The following PAPPA2 variants were observed in gnomAD, a reference collection of about 807,000 sequenced individuals.
PAPPA2 encodes the protein pappalysin-2.
A neutral mutation model predicts 176.4 loss-of-function variants in PAPPA2; 86 were observed. That is an observed-to-expected ratio of 0.49 (90% confidence interval 0.41 to 0.58). PAPPA2 has a LOEUF of 0.58. Among genes scored for constraint, PAPPA2 ranks in the 20% least tolerant of loss-of-function variants. The pLI is 0.00. For synonymous variants in PAPPA2, 809 were observed against 852.2 expected, an observed-to-expected ratio of 0.95 and a Z score of 0.88; for missense variants, 2,073 against 2,256.9, an observed-to-expected ratio of 0.92 and a Z score of 1.65.
intron 1 of PAPPA2, among the ~76,000 whole-genome samples, chr1:176,547,166 C>T (rs1650681631): frequency 6.6e-6 from 1 of 152,198 alleles, no homozygotes; most frequent in East Asian, 1.9e-4. Flanking sequence ...TAGCACCTCT[C>T]TTTTGCAGAT....
At chr1:176,828,082 AG>A in intron 21 of PAPPA2, among the ~76,000 whole-genome samples, 1 of 152,206 alleles carries the variant, frequency 6.6e-6, no homozygotes, top group Admixed American at 6.5e-5. Flanking sequence ...ACAATGCTGG[AG>A]GCAGCATGAG....
chr1:176,536,286 T>G (rs1256844851), intron 1 of PAPPA2, among the ~76,000 whole-genome samples: 2 of 152,184 alleles, frequency 1.3e-5, no homozygotes, highest in African/African-American at 2.4e-5. Context: ...CCGGGTGAGC[T>G]TTTCTGCACT....
chr1:176,672,609 G>A (rs771767546), intron 4 of PAPPA2, among the ~76,000 whole-genome samples: 1 of 152,066 alleles, frequency 6.6e-6, no homozygotes, highest in East Asian at 1.9e-4. Flanking sequence ...GTTCAATGCT[G>A]TTCAAGTGTG....
At chr1:176,762,154 T>C (rs1472656930) in intron 14 of PAPPA2, among the ~76,000 whole-genome samples, 1 of 152,070 alleles carries the variant, frequency 6.6e-6, no homozygotes, top group Non-Finnish European at 1.5e-5. Flanking sequence ...AACAAATTCC[T>C]TAAAAAGGAA....
In PAPPA2 at chr1:176,545,002, A is replaced by G. The variant is rs116631667; in HGVS notation, c.-916-10405A>G. ...ACTGCCCAGTATCTCCATGTGTTCA[A>G]CAGCCTGAAAGCTAATTGAACCTCT... On this transcript the variant is annotated intron_variant, in intron 1 of 22. Transcript: ENST00000367662. 4.7e-3 allele frequency among the ~76,000 whole-genome samples: 719 copies of G among 152,310 alleles called. 8 individuals carry two copies. Among genetic ancestry groups the G allele is most frequent in the African/African-American group, 0.017 (687 of 41,566 alleles).
At chr1:176,689,745 TA>T (rs1209344679) in intron 4 of PAPPA2, among the ~76,000 whole-genome samples, 1 of 152,196 alleles carries the variant, frequency 6.6e-6, no homozygotes, top group African/African-American at 2.4e-5. Context: ...AGGAAGTTTT[TA>T]AAAATGTCGT....
intron 1 of PAPPA2, among the ~76,000 whole-genome samples, chr1:176,488,118 A>C (rs71645289): frequency 0.2 from 29,649 of 151,982 alleles, 3,942 homozygotes; most frequent in African/African-American, 0.37. Flanking sequence ...GCGTGGATAG[A>C]AAATAGGCCC....
chr1:176,647,560 T>C (rs1219841610), intron 3 of PAPPA2, among the ~76,000 whole-genome samples: 1 of 151,776 alleles, frequency 6.6e-6, no homozygotes, highest in Non-Finnish European at 1.5e-5. Flanking sequence ...TACATTTAAG[T>C]CTTTAATCCA....
intron 1 of PAPPA2, among the ~76,000 whole-genome samples, chr1:176,486,658 T>G (rs1652656682): frequency 6.6e-6 from 1 of 152,158 alleles, no homozygotes; most frequent in South Asian, 2.1e-4. Flanking sequence ...CAGGCCTAGA[T>G]GCAGGAAAGC....
intron 1 of PAPPA2, among the ~76,000 whole-genome samples, chr1:176,552,130 A>C (rs946275403): frequency 2.0e-5 from 3 of 151,918 alleles, no homozygotes; most frequent in African/African-American, 7.3e-5. Context: ...TTTATGTTTA[A>C]TCATCATGGA....
intron 21 of PAPPA2, among the ~76,000 whole-genome samples, chr1:176,829,010 T>A (rs796755443): frequency 3.3e-5 from 5 of 151,256 alleles, no homozygotes; most frequent in East Asian, 1.9e-4. Flanking sequence ...CTCAAAAAAA[T>A]AAATAAATAA....
At chr1:176,841,451 A>C (rs946017015) in intron 22 of PAPPA2, among the ~76,000 whole-genome samples, 2 of 151,946 alleles carry the variant, frequency 1.3e-5, no homozygotes, top group Non-Finnish European at 2.9e-5. Flanking sequence ...TCTCCTACCC[A>C]CTTGCCCAAT....
rs527769161 is a variant in PAPPA2, at chr1:176,556,247, C to G, written c.-76C>G. On this transcript the variant is annotated 5_prime_UTR_variant, in exon 2 of 23. Transcript: ENST00000367662. ...ACTGCAAATCCATTGCTAGCTGCCT[C>G]TTTCTCGTCTGCCCATCACTCTGGT... 1 of 1,484,980 alleles carries G rather than the reference C, an allele frequency of 6.7e-7. No homozygotes were observed. The highest frequency in any genetic ancestry group is 1.4e-5 in the African/African-American group (1 of 71,418). The allele number at this position is 1,484,980 out of a possible 1,614,324, so 92.0% of individuals were successfully genotyped here.
intron 1 of PAPPA2, among the ~76,000 whole-genome samples, chr1:176,502,682 A>C (rs1242880724): frequency 6.6e-6 from 1 of 152,178 alleles, no homozygotes; most frequent in Non-Finnish European, 1.5e-5. Flanking sequence ...AGTGCTATGG[A>C]AGGTGTGCAT....
intron 1 of PAPPA2, among the ~76,000 whole-genome samples, chr1:176,504,900 CTA>C (rs1291183205): frequency 6.6e-6 from 1 of 152,046 alleles, no homozygotes; most frequent in Admixed American, 6.6e-5. Context: ...CGGAACAGAG[CTA>C]TAATCTACCC....
In PAPPA2 at chr1:176,692,309, T is replaced by G. The variant is rs1363097644; in HGVS notation, c.2615T>G (p.Val872Gly). Reference protein sequence around the residue: ...IHWLPPISGVVYDRASGSLCG... With the variant: ...IHWLPPISGVGYDRASGSLCG... ...TGGCTGCCTCCTATTAGTGGAGTTG[T>G]ATATGACAGGTGAGAGAGGCACTGG... The change falls in exon 6 of 23, where the codon GTA (valine) becomes GGA (glycine). Residue 872 changes from valine to glycine, a missense_variant. By Grantham distance (109) the Val-to-Gly change is moderately radical. Around this residue, in one of 4 missense-constraint regions of PAPPA2, gnomAD observed 1,196 missense variants for 1,330.4 expected, o/e 0.90. Transcript: ENST00000367662. 14 of 1,610,758 alleles carry G rather than the reference T, an allele frequency of 8.7e-6. No homozygotes were observed. In the South Asian group the frequency reaches 1.5e-4, roughly 18 times the overall value.
intron 11 of PAPPA2, among the ~76,000 whole-genome samples, chr1:176,710,841 C>T (rs1661109630): frequency 6.6e-6 from 1 of 152,102 alleles, no homozygotes; most frequent in Non-Finnish European, 1.5e-5. Context: ...GAGGAGCCAG[C>T]TAAGGTTGAT....
intron 4 of PAPPA2, 128 bp from the exon 5 acceptor site, chr1:176,690,009 A>G: frequency 1.2e-6 from 1 of 828,072 alleles, no homozygotes; most frequent in Non-Finnish European, 1.9e-6. Context: ...ACTGTATGTT[A>G]CCAGAAGTTA....
intron 1 of PAPPA2, among the ~76,000 whole-genome samples, chr1:176,470,275 T>G (rs1011093918): frequency 1.3e-5 from 2 of 152,174 alleles, no homozygotes; most frequent in African/African-American, 4.8e-5. Context: ...GCTAACTCTC[T>G]TTTTCCCCTG....
Sources: gnomAD v4.1 joint callset for allele counts (sites outside exome capture counted in the v4.1 genomes callset) on GRCh38, gnomAD v4.1.1 for gene constraint, gnomAD v4.1.1 regional missense constraint, MANE v1.5 for transcripts, NCBI Gene and HGNC (gene_info 2026-07-23, HGNC 2026-07-21) for gene names.